TMBIM4: variants seen among roughly 807,000 people sequenced by gnomAD.
TMBIM4 encodes transmembrane BAX inhibitor motif containing 4.
TMBIM4 carries 28 observed loss-of-function variants against 27.7 expected under a neutral mutation model. The observed-to-expected ratio is 1.01, with a 90% CI of 0.75 to 1.38. The LOEUF is 1.38. Among genes scored for constraint, TMBIM4 ranks in the 40% most tolerant of loss-of-function variants. TMBIM4 has a pLI of 0.00. For synonymous variants in TMBIM4, 115 were observed against 113.1 expected, an observed-to-expected ratio of 1.02 and a Z score of -0.11; for missense variants, 265 against 277.5, an observed-to-expected ratio of 0.95 and a Z score of 0.32.
intron 5 of TMBIM4, among the ~76,000 whole-genome samples, chr12:66,142,368 G>A (rs1197349743): frequency 1.3e-5 from 2 of 150,478 alleles, no homozygotes; most frequent in African/African-American, 4.9e-5. Context: ...TGGGGTATGG[G>A]GAAGGTGATA....
chr12:66,140,167 C>G (rs551077109), intron 5 of TMBIM4, among the ~76,000 whole-genome samples: 3 of 152,000 alleles, frequency 2.0e-5, no homozygotes, highest in Non-Finnish European at 4.4e-5. Context: ...GGAGAAGAAA[C>G]AATCAATAGA....
intron 5 of TMBIM4, among the ~76,000 whole-genome samples, chr12:66,144,090 C>G (rs2051713238): frequency 6.6e-6 from 1 of 152,070 alleles, no homozygotes; most frequent in Non-Finnish European, 1.5e-5. Context: ...AATAGGTATA[C>G]TGTAATCAAG....
chr12:66,169,447 A>T (rs1224964263), intron 1 of TMBIM4: 9 of 513,784 alleles, frequency 1.8e-5, no homozygotes. Flanking sequence ...GAACAAAAAC[A>T]TCAGGCCGTG....
At chr12:66,147,835 A>G in intron 4 of TMBIM4, 73 bp downstream of exon 4, 1 of 1,268,040 alleles carries the variant, frequency 7.9e-7, no homozygotes, top group South Asian at 1.4e-5. Flanking sequence ...TTAGCCCCAA[A>G]TACCTTTTTA....
At position 66,137,861 on chromosome 12, in the gene TMBIM4, T is replaced by C. The variant is rs1169837778; in HGVS notation, c.*99A>G. 6 of 885,536 alleles carry C rather than the reference T, an allele frequency of 6.8e-6. No individual in the cohort carries two copies. The highest frequency in any genetic ancestry group is 1.0e-5 in the Non-Finnish European group (6 of 576,438). 54.9% of individuals were successfully genotyped at this position (885,536 alleles called of 1,614,324 possible). A position where few individuals can be genotyped will look rare whatever the true frequency, so the allele number is the denominator to read the frequency against. On this transcript the variant is annotated 3_prime_UTR_variant, in exon 7 of 7. Coordinates refer to ENST00000358230, the MANE Select transcript of TMBIM4 (RefSeq NM_016056.4). ...TAATCATTGTTTCAAACTTTATTAC[T>C]TAATGAAACAGTTTCTATATACTGC...
At chr12:66,148,651 C>A (rs1256220862) in intron 3 of TMBIM4, among the ~76,000 whole-genome samples, 5 of 152,156 alleles carry the variant, frequency 3.3e-5, no homozygotes. Flanking sequence ...ATATACCACT[C>A]TAGGAATGCC....
intron 5 of TMBIM4, among the ~76,000 whole-genome samples, chr12:66,141,945 T>C (rs117877778): frequency 0.011 from 1,694 of 152,184 alleles, 31 homozygotes; most frequent in Non-Finnish European, 0.014. Flanking sequence ...AGTAAGCAAA[T>C]AGAACACTTA....
At chr12:66,138,868 T>G (rs1343200471) in intron 5 of TMBIM4, 99 bp from the exon 6 acceptor site, 17 of 1,345,686 alleles carry the variant, frequency 1.3e-5, no homozygotes, top group Non-Finnish European at 1.4e-5. Context: ...CATCTGGATT[T>G]TTTGCTGAAG....
intron 3 of TMBIM4, 121 bp from the exon 4 acceptor site, chr12:66,148,062 C>T: frequency 1.2e-6 from 1 of 848,864 alleles, no homozygotes; most frequent in South Asian, 1.9e-5. Context: ...TCAAAGCAGC[C>T]CTGCGAAGTA....
chr12:66,169,796 T>A, intron 1 of TMBIM4, 59 bp downstream of exon 1: 1 of 1,350,512 alleles, frequency 7.4e-7, no homozygotes, highest in Non-Finnish European at 9.8e-7. Context: ...GAAGTCGGCT[T>A]CTAGAGGCCG....
In TMBIM4 at chr12:66,145,870, A is replaced by T. The variant is rs1352060083; in HGVS notation, c.435T>A (p.Ser145=). 1 of 1,605,228 alleles carries T rather than the reference A, an allele frequency of 6.2e-7. No individual in the cohort carries two copies. Among genetic ancestry groups the T allele is most frequent in the East Asian group, 2.2e-5 (1 of 44,734 alleles). ...FFGLTVYTLQ[S]KKDFSKFGAG... ...CTCCAAATTTGCTGAAATCCTTCTT[A>T]GATTGTAGAGTATACACAGTCAAAC... Residue 145 remains serine (S), a synonymous_variant, in exon 5 of 7, where the codon TCT becomes TCA. Transcript: ENST00000358230.
At chr12:66,160,396 A>C (rs1347771877) in intron 1 of TMBIM4, 1 of 572,450 alleles carries the variant, frequency 1.7e-6, no homozygotes, top group Non-Finnish European at 3.1e-6. Flanking sequence ...TAATGGAGAA[A>C]TTTACAAAGA....
chr12:66,146,362 G>T (rs1294791493), intron 4 of TMBIM4, among the ~76,000 whole-genome samples: 1 of 152,128 alleles, frequency 6.6e-6, no homozygotes, highest in Non-Finnish European at 1.5e-5. Context: ...CTCCTGCCTG[G>T]CTGGGAATTC....
At chr12:66,152,139 A>C (rs2051854458) in intron 3 of TMBIM4, 132 bp downstream of exon 3, 1 of 416,860 alleles carries the variant, frequency 2.4e-6, no homozygotes, top group Non-Finnish European at 4.2e-6. Flanking sequence ...ATAAAATTAC[A>C]ATTAATTTCC....
rs1401162995 is a variant in TMBIM4, at chr12:66,138,191, A to AT, written c.511-26dup. Reference sequence around the variant, plus strand: ...ACTATAGGGAAGAGATTAAAGAAATATGTTTATATTTGAGAACAGTATTAA... The same window carrying AT: ...ACTATAGGGAAGAGATTAAAGAAATATTGTTTATATTTGAGAACAGTATTAA... On this transcript the variant is annotated intron_variant, in intron 6 of 6. Coordinates refer to ENST00000358230, the MANE Select transcript of TMBIM4 (RefSeq NM_016056.4). 1.9e-6 allele frequency: 3 copies of AT among 1,597,318 alleles called. No individual in the cohort carries two copies. In the African/African-American group the frequency reaches 4.1e-5, roughly 22 times the overall value.
intron 1 of TMBIM4, among the ~76,000 whole-genome samples, chr12:66,157,281 G>A (rs566606369): frequency 6.6e-6 from 1 of 152,214 alleles, no homozygotes; most frequent in South Asian, 2.1e-4. Flanking sequence ...TGGGAGGAAA[G>A]TGAGGTCTCC....
At chr12:66,148,850 C>T (rs550781425) in intron 3 of TMBIM4, among the ~76,000 whole-genome samples, 1 of 152,308 alleles carries the variant, frequency 6.6e-6, no homozygotes, top group South Asian at 2.1e-4. Context: ...CTCTAGCCTC[C>T]CTTTCCCCTT....
At chr12:66,156,431 C>A (rs115504324) in intron 1 of TMBIM4, among the ~76,000 whole-genome samples, 5 of 152,184 alleles carry the variant, frequency 3.3e-5, no homozygotes, top group Non-Finnish European at 5.9e-5. Context: ...GAAAGTACAA[C>A]GTATCTGCCT....
At chr12:66,140,251 C>T (rs1321017613) in intron 5 of TMBIM4, among the ~76,000 whole-genome samples, 4 of 151,636 alleles carry the variant, frequency 2.6e-5, no homozygotes, top group South Asian at 4.2e-4. Flanking sequence ...AGTTCAAGAT[C>T]GAGGAAAGAA....
Sources: gnomAD v4.1 joint callset for allele counts (sites outside exome capture counted in the v4.1 genomes callset) on GRCh38, gnomAD v4.1.1 for gene constraint, MANE v1.5 for transcripts, NCBI Gene and HGNC (gene_info 2026-07-23, HGNC 2026-07-21) for gene names.